Variants in CCDC102B observed in about 807,000 individuals in gnomAD.
CCDC102B encodes the protein coiled-coil domain-containing protein 102B.
CCDC102B carries 75 observed loss-of-function variants against 57.4 expected under a neutral mutation model. The ratio of observed to expected loss-of-function variants is 1.31; its 90% CI spans 1.08 to 1.58. The LOEUF (loss-of-function observed/expected upper bound fraction) is 1.58. Among genes scored for constraint, CCDC102B ranks in the 40% most tolerant of loss-of-function variants. CCDC102B has a pLI of 0.00. For missense variants in CCDC102B, 636 were observed against 582.6 expected, an observed-to-expected ratio of 1.09 and a Z score of -0.94; for synonymous variants, 206 against 201.9, an observed-to-expected ratio of 1.02 and a Z score of -0.17.
chr18:68,717,967 G>A (rs1348763995), intron 2 of CCDC102B: 1 of 152,170 alleles, frequency 6.6e-6, no homozygotes, highest in African/African-American at 2.4e-5. Flanking sequence ...AGAGATTGAA[G>A]GGATCATCTT....
intron 6 of CCDC102B, among the ~76,000 whole-genome samples, chr18:68,966,183 A>T (rs1281834192): frequency 6.6e-6 from 1 of 152,078 alleles, no homozygotes; most frequent in Admixed American, 6.6e-5. Flanking sequence ...GGTAATTTCT[A>T]GTGACCCATC....
At chr18:68,992,307 C>T (rs1013066478) in intron 6 of CCDC102B, among the ~76,000 whole-genome samples, 5 of 152,064 alleles carry the variant, frequency 3.3e-5, no homozygotes, top group South Asian at 2.1e-4. Context: ...ATCTTTATGC[C>T]AATCTGAATA....
intron 1 of CCDC102B, among the ~76,000 whole-genome samples, chr18:68,831,968 T>A (rs1284636728): frequency 6.6e-6 from 1 of 152,308 alleles, no homozygotes; most frequent in Non-Finnish European, 1.5e-5. Flanking sequence ...GATTCTTTTT[T>A]CTTTTTATCA....
At chr18:68,781,111 CATG>C (rs905756827) in intron 2 of CCDC102B, among the ~76,000 whole-genome samples, 23 of 152,084 alleles carry the variant, frequency 1.5e-4, no homozygotes, top group Non-Finnish European at 5.9e-5. Context: ...GTAACAACAT[CATG>C]ATGTTGTTAG....
At chr18:68,945,600 T>A (rs1278002608) in intron 6 of CCDC102B, among the ~76,000 whole-genome samples, 1 of 152,120 alleles carries the variant, frequency 6.6e-6, no homozygotes, top group Non-Finnish European at 1.5e-5. Context: ...TTAAAACTGT[T>A]CTTAATAATG....
chr18:68,787,385 A>G (rs1444035099), intron 2 of CCDC102B, among the ~76,000 whole-genome samples: 2 of 151,452 alleles, frequency 1.3e-5, no homozygotes, highest in African/African-American at 4.9e-5. Context: ...ATTGATTGGA[A>G]TAGTTTCAGA....
chr18:69,017,860 A>G (rs183068324), intron 7 of CCDC102B, among the ~76,000 whole-genome samples: 9 of 152,294 alleles, frequency 5.9e-5, no homozygotes, highest in Non-Finnish European at 1.2e-4. Context: ...TGACATTTTC[A>G]GATTCTACAT....
chr18:68,718,543 T>C (rs2032152734), intron 2 of CCDC102B, among the ~76,000 whole-genome samples: 3 of 152,368 alleles, frequency 2.0e-5, no homozygotes, highest in East Asian at 1.9e-4. Flanking sequence ...TACGTTCACA[T>C]TGCGAAAATG....
At chr18:68,982,601 G>A (rs667060) in intron 6 of CCDC102B, among the ~76,000 whole-genome samples, 1 of 151,528 alleles carries the variant, frequency 6.6e-6, no homozygotes. Context: ...CATATGTCAG[G>A]GCAATTTTTA....
At chr18:69,011,689 T>G (rs891786419) in intron 7 of CCDC102B, among the ~76,000 whole-genome samples, 12 of 152,138 alleles carry the variant, frequency 7.9e-5, no homozygotes, top group Non-Finnish European at 1.8e-4. Context: ...TTTTTGTTTT[T>G]TTTTAAAGAA....
chr18:68,875,235 C>T (rs2039397007), intron 5 of CCDC102B, among the ~76,000 whole-genome samples: 1 of 152,028 alleles, frequency 6.6e-6, no homozygotes, highest in Non-Finnish European at 1.5e-5. Flanking sequence ...TTAGGTACAC[C>T]AAGTAGTGAA....
chr18:68,760,283 A>T (rs2034210635), intron 2 of CCDC102B, among the ~76,000 whole-genome samples: 1 of 152,096 alleles, frequency 6.6e-6, no homozygotes, highest in African/African-American at 2.4e-5. Flanking sequence ...AGTATACAAA[A>T]TTCACACCCC....
At chr18:69,020,198 G>C (rs187695867) in intron 7 of CCDC102B, among the ~76,000 whole-genome samples, 1 of 152,038 alleles carries the variant, frequency 6.6e-6, no homozygotes, top group South Asian at 2.1e-4. Flanking sequence ...GTTGCTAGAT[G>C]CTTATTATTC....
intron 2 of CCDC102B, among the ~76,000 whole-genome samples, chr18:68,737,020 G>C (rs1295689517): frequency 6.6e-6 from 1 of 151,946 alleles, no homozygotes; most frequent in Non-Finnish European, 1.5e-5. Flanking sequence ...GTTAAGTCTT[G>C]AGCCAAAGGG....
intron 7 of CCDC102B, among the ~76,000 whole-genome samples, chr18:69,016,014 C>T (rs2051655023): frequency 7.8e-6 from 1 of 127,654 alleles, no homozygotes; most frequent in South Asian, 2.8e-4. Context: ...ACCACCATGC[C>T]TGGCTAATTT....
intron 3 of CCDC102B, among the ~76,000 whole-genome samples, chr18:68,840,929 A>C (rs1363410006): frequency 6.6e-6 from 1 of 152,222 alleles, no homozygotes; most frequent in Admixed American, 6.5e-5. Flanking sequence ...ACTTCAGTCT[A>C]TAATCCATAG....
chr18:68,855,919 A>T (rs2038364517), intron 4 of CCDC102B, among the ~76,000 whole-genome samples: 1 of 152,230 alleles, frequency 6.6e-6, no homozygotes, highest in Non-Finnish European at 1.5e-5. Flanking sequence ...CAAGAAACAA[A>T]AATTTTTAAA....
chr18:68,857,056 A>T (rs1318015066), intron 4 of CCDC102B, among the ~76,000 whole-genome samples: 3 of 118,230 alleles, frequency 2.5e-5, no homozygotes, highest in Admixed American at 1.1e-4. Context: ...ATAATATATA[A>T]ATATATTTTT....
intron 5 of CCDC102B, among the ~76,000 whole-genome samples, chr18:68,889,172 C>G (rs2039988864): frequency 1.3e-5 from 2 of 151,854 alleles, no homozygotes; most frequent in Non-Finnish European, 2.9e-5. Flanking sequence ...AAACTTAATC[C>G]TAGGGTGATA....
Sources: allele counts gnomAD v4.1 joint callset (sites outside exome capture counted in the v4.1 genomes callset), GRCh38; gene constraint gnomAD v4.1.1; transcripts MANE v1.5; gene names NCBI Gene and HGNC (gene_info 2026-07-23, HGNC 2026-07-21).